The following SOX6 variants were observed in gnomAD, a reference collection of about 807,000 sequenced individuals.
The protein encoded by SOX6 is SRY-box transcription factor 6.
A neutral mutation model predicts 97.8 loss-of-function variants in SOX6; 11 were observed. The observed-to-expected ratio is 0.11, with a 90% confidence interval of 0.07 to 0.19. SOX6 has a LOEUF of 0.19. Ranked by LOEUF, SOX6 falls within the 10% of genes least tolerant of loss-of-function variation. The pLI is 1.00. For missense variants in SOX6, 810 were observed against 1,039.5 expected (o/e 0.78, Z 3.04); for synonymous variants, 360 against 371.4 (o/e 0.97, Z 0.35).
intron 1 of SOX6, among the ~76,000 whole-genome samples, chr11:16,361,980 A>G (rs1468519746): frequency 6.6e-6 from 1 of 152,192 alleles, no homozygotes; most frequent in African/African-American, 2.4e-5. Flanking sequence ...AATTCACAAA[A>G]TAATTTGGTG....
chr11:16,122,313 A>G (rs1259841701), intron 6 of SOX6, among the ~76,000 whole-genome samples: 4 of 152,002 alleles, frequency 2.6e-5, no homozygotes, highest in Non-Finnish European at 2.9e-5. Flanking sequence ...GTGAAGATGA[A>G]TGTTTCCTAT....
At chr11:16,045,550 C>A (rs1243495583) in intron 12 of SOX6, among the ~76,000 whole-genome samples, 1 of 152,076 alleles carries the variant, frequency 6.6e-6, no homozygotes, top group African/African-American at 2.4e-5. Flanking sequence ...AAATGAAAAG[C>A]CTTTCCAGGG....
At chr11:16,055,439 A>G (rs1273757100) in intron 10 of SOX6, among the ~76,000 whole-genome samples, 1 of 152,138 alleles carries the variant, frequency 6.6e-6, no homozygotes, top group Non-Finnish European at 1.5e-5. Flanking sequence ...CAAGTCCATG[A>G]CAAAGACTGG....
chr11:16,275,217 G>A (rs1854361171), intron 3 of SOX6, among the ~76,000 whole-genome samples: 2 of 151,560 alleles, frequency 1.3e-5, no homozygotes, highest in Middle Eastern at 3.4e-3. Context: ...CGAGGCGGGC[G>A]GATCACGAGG....
chr11:16,224,653 T>TA (rs141498045), intron 4 of SOX6, among the ~76,000 whole-genome samples: 1,796 of 151,812 alleles, frequency 0.012, 33 homozygotes, highest in African/African-American at 0.041. Context: ...GTGGTATAAT[T>TA]AAAAAAAACT....
rs1039129404 is a variant in SOX6, at chr11:16,614,979, C to T, written n.430-2719G>A. On this transcript the variant is annotated intron_variant and non_coding_transcript_variant, in intron 3 of 5. Transcript: ENST00000524520. ...ATAAATTAAAAATTAAAAATATAGC[C>T]ACAGCAACCCGATGCTAATGGACAA... Among the ~76,000 whole-genome samples, 2 of 151,998 alleles carry T rather than the reference C, an allele frequency of 1.3e-5. 1 individual carries two copies. Among genetic ancestry groups the T allele is most frequent in the Middle Eastern group, 6.8e-3 (2 of 294 alleles).
chr11:16,230,970 T>A (rs1278806390), intron 4 of SOX6, among the ~76,000 whole-genome samples: 1 of 151,722 alleles, frequency 6.6e-6, no homozygotes, highest in African/African-American at 2.4e-5. Flanking sequence ...ACAGTATAGA[T>A]ATTTGGTTAA....
chr11:15,995,431 A>G (rs1854194407), intron 13 of SOX6, among the ~76,000 whole-genome samples: 2 of 152,206 alleles, frequency 1.3e-5, no homozygotes, highest in African/African-American at 4.8e-5. Flanking sequence ...TCCTGCCCCC[A>G]AAGTTAAAAA....
intron 1 of SOX6, among the ~76,000 whole-genome samples, chr11:16,375,032 G>T (rs1233500139): frequency 1.3e-5 from 2 of 151,858 alleles, no homozygotes; most frequent in African/African-American, 4.8e-5. Context: ...CAACTTTTAA[G>T]AATGGAACTT....
At chr11:16,056,026 A>G (rs1470383355) in intron 9 of SOX6, 125 bp from the exon 10 acceptor site, 4 of 1,140,190 alleles carry the variant, frequency 3.5e-6, no homozygotes, top group Non-Finnish European at 5.0e-6. Context: ...CACTATTTTT[A>G]AAAAAGGAAG....
Position 16,220,308 on chromosome 11 carries a change from A to T in SOX6, c.535+14274T>A, listed in dbSNP as rs1197241359. On this transcript the variant is annotated intron_variant, in intron 4 of 15. Coordinates refer to ENST00000683767, the MANE Select transcript of SOX6 (RefSeq NM_001367873.1). ...AGAAAACAACATTTTAGGTAAAATA[A>T]TTTGGCCTGTACTTAAACCAGATGA... 2.0e-5 allele frequency among the ~76,000 whole-genome samples: 3 copies of T among 152,162 alleles called. No individual in the cohort carries two copies. In the South Asian group the frequency reaches 6.2e-4, roughly 32 times the overall value.
intron 3 of SOX6, among the ~76,000 whole-genome samples, chr11:16,268,286 T>G (rs1272455221): frequency 6.6e-6 from 1 of 151,302 alleles, no homozygotes; most frequent in Middle Eastern, 3.4e-3. Context: ...CATATCATCA[T>G]GTACCCCATA....
At chr11:16,140,980 G>C (rs144769644) in intron 6 of SOX6, among the ~76,000 whole-genome samples, 2 of 152,106 alleles carry the variant, frequency 1.3e-5, no homozygotes, top group Non-Finnish European at 2.9e-5. Context: ...TGGGTGTCAT[G>C]GCAGGTGCCT....
chr11:16,128,885 A>C (rs1366314624), intron 6 of SOX6, among the ~76,000 whole-genome samples: 1 of 152,004 alleles, frequency 6.6e-6, no homozygotes, highest in Admixed American at 6.6e-5. Context: ...TTTTAGACAG[A>C]GTTTCGCTCT....
intron 1 of SOX6, among the ~76,000 whole-genome samples, chr11:16,378,910 C>A (rs990781718): frequency 6.6e-6 from 1 of 151,992 alleles, no homozygotes; most frequent in African/African-American, 2.4e-5. Context: ...GAATAATGTA[C>A]AATACTTTGT....
chr11:16,487,995 G>C (rs1860461873), intron 4 of SOX6, among the ~76,000 whole-genome samples: 1 of 152,180 alleles, frequency 6.6e-6, no homozygotes, highest in Non-Finnish European at 1.5e-5. Flanking sequence ...TGGGAATACA[G>C]AGAGTCAACA....
At chr11:16,226,480 A>G (rs901189986) in intron 4 of SOX6, among the ~76,000 whole-genome samples, 1 of 152,288 alleles carries the variant, frequency 6.6e-6, no homozygotes, top group Non-Finnish European at 1.5e-5. Flanking sequence ...TGCCCGACAC[A>G]GCACAGAGGA....
intron 4 of SOX6, among the ~76,000 whole-genome samples, chr11:16,221,227 C>T (rs1852528917): frequency 6.6e-6 from 1 of 151,930 alleles, no homozygotes; most frequent in Non-Finnish European, 1.5e-5. Flanking sequence ...TGAGTAAAAC[C>T]ACTGGTTTCT....
chr11:16,735,789 T>C (rs1848386703), intron 2 of SOX6, among the ~76,000 whole-genome samples: 1 of 152,218 alleles, frequency 6.6e-6, no homozygotes. Flanking sequence ...ATGGTGGGTA[T>C]TTAATAAATG....
Sources: allele counts gnomAD v4.1 joint callset (sites outside exome capture counted in the v4.1 genomes callset), GRCh38; gene constraint gnomAD v4.1.1; transcripts MANE v1.5; gene names NCBI Gene and HGNC (gene_info 2026-07-23, HGNC 2026-07-21).